MEP1A: variants seen among roughly 807,000 people sequenced by gnomAD.
MEP1A encodes the protein N-benzoyl-L-tyrosyl-P-amino-benzoic acid hydrolase subunit alpha.
A neutral mutation model predicts 84.5 loss-of-function variants in MEP1A; 68 were observed. The ratio of observed to expected loss-of-function variants is 0.80; its 90% confidence interval spans 0.66 to 0.98. The LOEUF (loss-of-function observed/expected upper bound fraction) is 0.98. Among genes scored for constraint, MEP1A ranks in the 50% least tolerant of loss-of-function variants. The pLI is 0.00. For synonymous variants in MEP1A, 337 were observed against 336.8 expected, an observed-to-expected ratio of 1.00 and a Z score of -0.01; for missense variants, 887 against 919.9, an observed-to-expected ratio of 0.96 and a Z score of 0.46.
chr6:46,796,211 T>C (rs540292980), intron 3 of MEP1A, among the ~76,000 whole-genome samples: 5 of 152,294 alleles, frequency 3.3e-5, no homozygotes, highest in Admixed American at 2.6e-4. Context: ...TGGGGGCTCA[T>C]CAACGGGTGT....
At chr6:46,834,246 A>G (rs1768148798) in intron 11 of MEP1A, among the ~76,000 whole-genome samples, 1 of 151,476 alleles carries the variant, frequency 6.6e-6, no homozygotes, top group South Asian at 2.1e-4. Flanking sequence ...TTTTCAAAAG[A>G]GAAGACTTAA....
In MEP1A at chr6:46,800,977, G is replaced by A. The variant is rs972840241; in HGVS notation, c.262+1796G>A. On this transcript the variant is annotated intron_variant, in intron 5 of 13. Coordinates refer to ENST00000230588, the MANE Select transcript of MEP1A (RefSeq NM_005588.3). ...GTTTTTTAAGTTCTTCCATATTGTT[G>A]TAGATCAACAGTAAATTCTTTTTTT... Among the ~76,000 whole-genome samples, 10 of 152,116 alleles carry A rather than the reference G, an allele frequency of 6.6e-5. No individual in the cohort carries two copies. In the South Asian group the frequency reaches 2.1e-3, roughly 32 times the overall value.
At chr6:46,813,613 G>GT (rs961332690) in intron 6 of MEP1A, among the ~76,000 whole-genome samples, 11 of 151,328 alleles carry the variant, frequency 7.3e-5, no homozygotes, top group Admixed American at 1.3e-4. Flanking sequence ...GAATATCTTG[G>GT]TTTTTTTTCA....
In MEP1A at chr6:46,820,984, T is replaced by C. The variant is rs543075312; in HGVS notation, c.556+1280T>C. ...CTGTTTTATTTAGATCCCAATTTTA[T>C]ATGCGGATTCATATATTGCAGTGCA... On this transcript the variant is annotated intron_variant, in intron 7 of 13. Coordinates refer to ENST00000230588, the MANE Select transcript of MEP1A (RefSeq NM_005588.3). Among the ~76,000 whole-genome samples, 4 of 152,334 alleles carry C rather than the reference T, an allele frequency of 2.6e-5. No homozygotes were observed. In the South Asian group the frequency reaches 8.3e-4, roughly 32 times the overall value.
intron 5 of MEP1A, among the ~76,000 whole-genome samples, chr6:46,805,139 A>G (rs1258414411): frequency 2.0e-5 from 3 of 151,932 alleles, no homozygotes; most frequent in Admixed American, 1.3e-4. Context: ...GTAGCCTTGC[A>G]CATATTCTTT....
At chr6:46,804,279 G>A (rs1767261689) in intron 5 of MEP1A, among the ~76,000 whole-genome samples, 1 of 151,266 alleles carries the variant, frequency 6.6e-6, no homozygotes, top group Non-Finnish European at 1.5e-5. Context: ...TATTTTAACT[G>A]GAAATAGAAT....
chr6:46,835,131 C>A, intron 12 of MEP1A, 118 bp from the exon 13 acceptor site: 1 of 879,050 alleles, frequency 1.1e-6, no homozygotes, highest in South Asian at 1.8e-5. Flanking sequence ...GCCACTTTTC[C>A]ATGTCACTAG....
Position 46,835,446 on chromosome 6 carries a change from CT to C in MEP1A, c.1982del (p.Leu661ArgfsTer26). Reference sequence around the variant, plus strand: ...GCGGTCGGTGGAGAACACAGGCCCCCTGGAGGACCATAACTGGCCACAGTAC... The same window carrying C: ...GCGGTCGGTGGAGAACACAGGCCCCCGGAGGACCATAACTGGCCACAGTAC... Reference protein sequence around the residue: ...QKRSVENTGPLEDHNWPQYFR... With the variant: ...QKRSVENTGPXEDHNWPQYFR... On this transcript the variant is annotated frameshift_variant, in exon 13 of 14. Transcript: ENST00000230588. LOFTEE classifies it high-confidence loss of function. 6.2e-7 allele frequency: 1 copy of C among 1,612,506 alleles called. No homozygotes were observed. The highest frequency in any genetic ancestry group is 1.1e-5 in the South Asian group (1 of 90,764).
chr6:46,799,760 A>G (rs749263770), intron 5 of MEP1A, among the ~76,000 whole-genome samples: 4 of 152,212 alleles, frequency 2.6e-5, no homozygotes, highest in African/African-American at 4.8e-5. Flanking sequence ...AAGGTTGCAT[A>G]TAGAACTAGC....
At chr6:46,842,617 C>G (rs537858288), downstream of MEP1A, among the ~76,000 whole-genome samples, 1 of 152,136 alleles carries the variant, frequency 6.6e-6, no homozygotes. Flanking sequence ...CAAGATAATA[C>G]GTGCACAGTG....
chr6:46,802,664 G>A (rs1767220834), intron 5 of MEP1A, among the ~76,000 whole-genome samples: 1 of 151,768 alleles, frequency 6.6e-6, no homozygotes, highest in Non-Finnish European at 1.5e-5. Context: ...TTTAGTGGTA[G>A]TATTCAATAC....
At chr6:46,801,355 A>G (rs1767194161) in intron 5 of MEP1A, among the ~76,000 whole-genome samples, 1 of 152,078 alleles carries the variant, frequency 6.6e-6, no homozygotes, top group African/African-American at 2.4e-5. Flanking sequence ...TTTAATTTGC[A>G]TTTCCCTAAT....
At chr6:46,810,324 T>C (rs989731036) in intron 6 of MEP1A, among the ~76,000 whole-genome samples, 1 of 152,154 alleles carries the variant, frequency 6.6e-6, no homozygotes, top group Non-Finnish European at 1.5e-5. Flanking sequence ...GTTTGTTTTT[T>C]TCTTGCTAAT....
intron 7 of MEP1A, among the ~76,000 whole-genome samples, chr6:46,824,202 T>G (rs1441004750): frequency 6.6e-6 from 1 of 152,058 alleles, no homozygotes; most frequent in Non-Finnish European, 1.5e-5. Flanking sequence ...TTCCTGTCAT[T>G]TGGAATACCT....
At chr6:46,838,789 A>G (rs1309935570) in intron 13 of MEP1A, among the ~76,000 whole-genome samples, 191 bp from the exon 14 acceptor site, 1 of 152,216 alleles carries the variant, frequency 6.6e-6, no homozygotes, top group Non-Finnish European at 1.5e-5. Context: ...GCCAAGTAAT[A>G]GCCTCCACCT....
intron 5 of MEP1A, among the ~76,000 whole-genome samples, chr6:46,799,408 A>T (rs1767142753): frequency 1.3e-5 from 2 of 152,246 alleles, no homozygotes. Flanking sequence ...AATGCAACAC[A>T]CATTAAAGTA....
intron 10 of MEP1A, among the ~76,000 whole-genome samples, chr6:46,832,161 G>T (rs919118245): frequency 2.0e-5 from 3 of 152,196 alleles, no homozygotes; most frequent in Non-Finnish European, 2.9e-5. Context: ...TAGGAACTCA[G>T]TTTAGCCAAC....
chr6:46,825,260 TCTCC>T lies in MEP1A; in HGVS notation c.557-9_557-6del. ...ATGACTGAGAAGGACCTGTGGATTC[TCTCC>T]CTAACAGGTTACCAGCACAACTTTG... is the stretch of plus-strand genomic sequence containing the variant. On this transcript the variant is annotated splice_region_variant and splice_polypyrimidine_tract_variant and intron_variant, in intron 7 of 13. Transcript: ENST00000230588. 1 of 1,570,926 alleles carries T rather than the reference TCTCC, an allele frequency of 6.4e-7. No individual in the cohort carries two copies. Among genetic ancestry groups the T allele is most frequent in the Non-Finnish European group, 8.7e-7 (1 of 1,146,422 alleles).
chr6:46,837,268 A>G (rs1435598104), intron 13 of MEP1A, among the ~76,000 whole-genome samples: 2 of 152,186 alleles, frequency 1.3e-5, no homozygotes, highest in African/African-American at 2.4e-5. Context: ...ATAAACATTA[A>G]TTTTATTCAG....
Sources: allele counts gnomAD v4.1 joint callset (sites outside exome capture counted in the v4.1 genomes callset), GRCh38; gene constraint gnomAD v4.1.1; transcripts MANE v1.5; gene names NCBI Gene and HGNC (gene_info 2026-07-23, HGNC 2026-07-21).